Variants in MAP4 observed in about 807,000 individuals in gnomAD.
MAP4 encodes the protein microtubule-associated protein 4.
A neutral mutation model predicts 170.2 loss-of-function variants in MAP4; 76 were observed. That is an observed-to-expected ratio of 0.45 (90% CI 0.37 to 0.54). The LOEUF (loss-of-function observed/expected upper bound fraction) is 0.54. Ranked by LOEUF, MAP4 falls within the 20% of genes least tolerant of loss-of-function variation. MAP4 has a pLI of 0.00. For synonymous variants in MAP4, 909 were observed against 994.5 expected, an observed-to-expected ratio of 0.91 and a Z score of 1.62; for missense variants, 2,506 against 2,748.0, an observed-to-expected ratio of 0.91 and a Z score of 1.97.
At chr3:47,959,479 G>A (rs1233976107) in intron 3 of MAP4, among the ~76,000 whole-genome samples, 1 of 151,474 alleles carries the variant, frequency 6.6e-6, no homozygotes, top group Non-Finnish European at 1.5e-5. Context: ...AAATGTGGCT[G>A]GGCGCAGTGG....
intron 5 of MAP4, among the ~76,000 whole-genome samples, chr3:47,920,735 T>C (rs2100042392): frequency 6.6e-6 from 1 of 152,016 alleles, no homozygotes; most frequent in Admixed American, 6.6e-5. Flanking sequence ...AAATTTTTTG[T>C]AGGACAGGAT....
At position 47,875,608 on chromosome 3, in the gene MAP4, T is replaced by TTAGCAAC. The variant is rs574744034; in HGVS notation, c.5757+70_5757+76dup. 1.2e-4 allele frequency: 154 copies of TTAGCAAC among 1,269,458 alleles called. 1 individual carries two copies. The South Asian group carries it at 1.7e-3, about 14-fold the overall frequency. 78.6% of individuals were successfully genotyped at this position (1,269,458 alleles called of 1,614,324 possible). ...TCCACCAGCCTGATTCTGTTGTCTG[T>TTAGCAAC]TAGCAACAAGGATCTGTCTATCTGA... On this transcript the variant is annotated intron_variant, in intron 12 of 20. Coordinates refer to ENST00000683076, the MANE Select transcript of MAP4 (RefSeq NM_001385682.1).
In MAP4 at chr3:48,083,305, C is replaced by T. The variant is rs372739168; in HGVS notation, c.-20+5468G>A. 1.7e-4 allele frequency among the ~76,000 whole-genome samples: 26 copies of T among 152,082 alleles called. 1 individual carries two copies. The highest frequency in any genetic ancestry group is 9.6e-4 in the East Asian group (5 of 5,208). ...CTACCTTTACAACTCTTCTGTAAAC[C>T]TGAAATTATTTAAAAGGAGTTTTAA... On this transcript the variant is annotated intron_variant, in intron 1 of 18. Transcript: ENST00000360240.
chr3:48,009,230 A>T (rs1332885087), intron 1 of MAP4, among the ~76,000 whole-genome samples: 1 of 152,064 alleles, frequency 6.6e-6, no homozygotes, highest in Admixed American at 6.6e-5. Context: ...CCTCCCAAGT[A>T]GCTAGGATTA....
chr3:47,951,583 C>T lies in MAP4; in HGVS notation c.293-23233G>A, dbSNP rs532509445. Among the ~76,000 whole-genome samples, 9 of 152,326 alleles carry T rather than the reference C, an allele frequency of 5.9e-5. No homozygotes were observed. In the South Asian group the frequency reaches 1.2e-3, roughly 21 times the overall value. On this transcript the variant is annotated intron_variant, in intron 3 of 20. Coordinates refer to ENST00000683076, the MANE Select transcript of MAP4 (RefSeq NM_001385682.1). ...GCCGGGCTGGTCTCCAGCTCCTAAC[C>T]GCGAGTGATCCGCCAGCCTTGGCCT...
At position 47,914,928 on chromosome 3, in the gene MAP4, C is replaced by T; in HGVS notation, c.1888G>A (p.Gly630Arg). The change falls in exon 8 of 21, where the codon GGA (glycine) becomes AGA (arginine). Residue 630 changes from glycine to arginine, a missense_variant. This residue lies in a region of MAP4 where 2,008 missense variants were observed against 2,206.0 expected (regional missense o/e 0.91). Transcript: ENST00000683076. Reference protein sequence around the residue: ...TFMISPETVTGTGKKCSLPAE... With the variant: ...TFMISPETVTRTGKKCSLPAE... ...GGCAAGCTGCACTTTTTCCCCGTTCCTGTGACGGTTTCTAAAGGTAATAAC... is the reference window on the plus strand; with the variant it reads ...GGCAAGCTGCACTTTTTCCCCGTTCTTGTGACGGTTTCTAAAGGTAATAAC... 1 of 1,614,056 alleles carries T rather than the reference C, an allele frequency of 6.2e-7. No homozygotes were observed. Among genetic ancestry groups the T allele is most frequent in the Non-Finnish European group, 8.5e-7 (1 of 1,180,008 alleles).
intron 1 of MAP4, among the ~76,000 whole-genome samples, chr3:48,066,534 C>G (rs1363121755): frequency 6.6e-6 from 1 of 152,074 alleles, no homozygotes; most frequent in Non-Finnish European, 1.5e-5. Context: ...CACTCTGCCT[C>G]CCAGGCTGGA....
intron 1 of MAP4, among the ~76,000 whole-genome samples, chr3:48,060,256 G>A (rs1292604402): frequency 1.3e-5 from 2 of 152,094 alleles, no homozygotes; most frequent in Non-Finnish European, 2.9e-5. Flanking sequence ...TATCACTCAT[G>A]CCTGTAAATG....
In MAP4 at chr3:47,880,259, A is replaced by G. The variant is rs1471965318; in HGVS notation, c.5435-2736T>C. Among the ~76,000 whole-genome samples the G allele has an allele frequency of 3.8e-5, 4 of 106,368 alleles. No homozygotes were observed. In the South Asian group the frequency reaches 1.2e-3, roughly 32 times the overall value. 69.8% of individuals were successfully genotyped at this position (106,368 alleles called of 152,430 possible). On this transcript the variant is annotated intron_variant, in intron 10 of 20. Transcript: ENST00000683076. ...CAGTACCCGCCACCACACCTGGCTA[A>G]TTTTTTTTTTTTTTTTTTTTTTGCA...
chr3:48,056,193 A>C (rs62260845), intron 1 of MAP4, among the ~76,000 whole-genome samples: 11,830 of 86,528 alleles, frequency 0.14, 2,082 homozygotes, highest in African/African-American at 0.42. Flanking sequence ...CCCGCCAGCC[A>C]TGCCGTCCGG....
Position 47,918,868 on chromosome 3 carries a change from T to C in MAP4, c.530-27A>G, listed in dbSNP as rs372012559. On this transcript the variant is annotated intron_variant, in intron 5 of 20. Coordinates refer to ENST00000683076, the MANE Select transcript of MAP4 (RefSeq NM_001385682.1). ...TAATATTGAAACACAAACAAATACA[T>C]TTTGAAACTTAGTAAACATTGGAAA... 291 of 1,589,238 alleles carry C rather than the reference T, an allele frequency of 1.8e-4. 2 individuals are homozygous for C. In the African/African-American group the frequency reaches 3.3e-3, roughly 18 times the overall value.
At chr3:48,003,453 CAAA>C (rs201694525) in intron 1 of MAP4, among the ~76,000 whole-genome samples, 57,044 of 111,492 alleles carry the variant, frequency 0.51, 12,471 homozygotes, top group East Asian at 0.68. Context: ...GACTCCTTCT[CAAA>C]AAAAAAAAAA....
chr3:47,857,994 G>A (rs1192031883), intron 17 of MAP4, among the ~76,000 whole-genome samples: 5 of 150,966 alleles, frequency 3.3e-5, no homozygotes, highest in Non-Finnish European at 1.5e-5. Context: ...TGGGATTACA[G>A]GCGTGAGCCA....
In MAP4 at chr3:47,861,693, G is replaced by C. The variant is rs192248240; in HGVS notation, c.6502-4181C>G. ...ACAACAACAACAACAACAACAACAA[G>C]AACAAGAACCCAAAAGTTAGCAGGG... On this transcript the variant is annotated intron_variant, in intron 17 of 20. Coordinates refer to ENST00000683076, the MANE Select transcript of MAP4 (RefSeq NM_001385682.1). 4.8e-3 allele frequency among the ~76,000 whole-genome samples: 730 copies of C among 151,194 alleles called. 7 individuals are homozygous for C. Among genetic ancestry groups the C allele is most frequent in the African/African-American group, 0.016 (664 of 41,174 alleles).
chr3:47,921,718 A>T (rs750381548), intron 5 of MAP4, 47 bp downstream of exon 5: 2 of 1,172,076 alleles, frequency 1.7e-6, no homozygotes, highest in Non-Finnish European at 1.3e-6. Context: ...GTAAAGAAAA[A>T]ATTTTTTTCC....
At chr3:48,022,769 T>C (rs1383221570) in intron 1 of MAP4, among the ~76,000 whole-genome samples, 2 of 152,132 alleles carry the variant, frequency 1.3e-5, no homozygotes, top group Admixed American at 6.5e-5. Flanking sequence ...CATGCGCCTA[T>C]AGTCCCAGCT....
chr3:47,896,604 G>A (rs2100027021), intron 10 of MAP4, among the ~76,000 whole-genome samples: 1 of 152,058 alleles, frequency 6.6e-6, no homozygotes, highest in African/African-American at 2.4e-5. Context: ...ACTCCCTATA[G>A]GGAATCTGAT....
intron 1 of MAP4, among the ~76,000 whole-genome samples, chr3:48,082,779 C>T (rs964141661): frequency 2.7e-5 from 3 of 113,098 alleles, no homozygotes; most frequent in Non-Finnish European, 5.1e-5. Flanking sequence ...GCCTGGGCAA[C>T]AGAGCAAGAC....
intron 1 of MAP4, among the ~76,000 whole-genome samples, chr3:48,007,123 A>T (rs2100102775): frequency 6.6e-6 from 1 of 152,236 alleles, no homozygotes; most frequent in Non-Finnish European, 1.5e-5. Flanking sequence ...CATTGATGAC[A>T]TTATGCTGAC....
Sources: allele counts gnomAD v4.1 joint callset (sites outside exome capture counted in the v4.1 genomes callset), GRCh38; gene constraint gnomAD v4.1.1; regional missense constraint gnomAD v4.1.1; transcripts MANE v1.5; gene names NCBI Gene and HGNC (gene_info 2026-07-23, HGNC 2026-07-21).